CHAF1A: variants seen among roughly 807,000 people sequenced by gnomAD.
CHAF1A encodes the protein CAF-1 subunit A.
CHAF1A carries 5 observed loss-of-function variants against 93.2 expected under a neutral mutation model. The ratio of observed to expected loss-of-function variants is 0.05; its 90% CI spans 0.03 to 0.11. The LOEUF (loss-of-function observed/expected upper bound fraction) is 0.11, where lower values mean the gene tolerates loss of function less well. Ranked by LOEUF, CHAF1A falls within the 10% of genes least tolerant of loss-of-function variation. CHAF1A has a pLI of 1.00. For missense variants in CHAF1A, 1,102 were observed against 1,259.9 expected (o/e 0.87, Z 1.90); for synonymous variants, 504 against 510.3 (o/e 0.99, Z 0.17).
chr19:4,445,860 C>A, downstream of CHAF1A: 1 of 1,069,860 alleles, frequency 9.3e-7, no homozygotes, highest in Non-Finnish European at 1.3e-6. Context: ...GAAACTGAGG[C>A]GTGGAGTAGT....
intron 3 of CHAF1A, among the ~76,000 whole-genome samples, chr19:4,416,764 G>A (rs778590352): frequency 9.2e-5 from 14 of 152,014 alleles, no homozygotes; most frequent in Non-Finnish European, 1.5e-4. Flanking sequence ...GGTGGCACAC[G>A]CCTATAATCC....
downstream of CHAF1A, chr19:4,444,863 C>T (rs530661437): frequency 1.7e-3 from 267 of 152,730 alleles, no homozygotes; most frequent in Non-Finnish European, 2.5e-3. Flanking sequence ...GCTCATCGGG[C>T]ACTTGTGGCC....
chr19:4,404,578 T>A (rs2145056307), intron 1 of CHAF1A, among the ~76,000 whole-genome samples: 1 of 152,310 alleles, frequency 6.6e-6, no homozygotes, highest in Middle Eastern at 3.4e-3. Context: ...CCTTTTCTTA[T>A]TCACTAAGCT....
At chr19:4,423,150 A>ATTTTATTGACTGTTTTCCAT (rs1974020323) in intron 5 of CHAF1A, among the ~76,000 whole-genome samples, 185 bp from the exon 6 acceptor site, 1 of 152,204 alleles carries the variant, frequency 6.6e-6, no homozygotes, top group African/African-American at 2.4e-5. Flanking sequence ...CACAGGAAGA[A>ATTTTATTGACTGTTTTCCAT]TTTTATTGAC....
chr19:4,407,462 GAAAA>G (rs397772805), intron 2 of CHAF1A, among the ~76,000 whole-genome samples: 1 of 64,804 alleles, frequency 1.5e-5, no homozygotes, highest in Non-Finnish European at 2.9e-5. Flanking sequence ...GAGGCCAGGA[GAAAA>G]AAAAAAAACC....
intron 6 of CHAF1A, among the ~76,000 whole-genome samples, 167 bp from the exon 7 acceptor site, chr19:4,423,639 G>A (rs376789284): frequency 4.6e-5 from 7 of 152,246 alleles, no homozygotes; most frequent in African/African-American, 1.7e-4. Flanking sequence ...GACATTTTGA[G>A]ATTGGCTGGC....
chr19:4,448,771 G>C, downstream of CHAF1A: 1 of 266,348 alleles, frequency 3.8e-6, no homozygotes, highest in South Asian at 4.5e-5. Flanking sequence ...GCCACTTACA[G>C]AACCTCCCGC....
intron 3 of CHAF1A, among the ~76,000 whole-genome samples, chr19:4,411,644 C>CTTTTTTTTTTTTTTTTTTTTT (rs66491258): frequency 0.015 from 715 of 48,150 alleles, 209 homozygotes; most frequent in Non-Finnish European, 0.021. Context: ...TGGTGCAAAT[C>CTTTTTTTTTTTTTTTTTTTTT]TTTTTTTTTT....
chr19:4,438,438 A>G (rs1056437988), intron 13 of CHAF1A, among the ~76,000 whole-genome samples: 1 of 151,956 alleles, frequency 6.6e-6, no homozygotes. Flanking sequence ...GGCTCAAGCA[A>G]TCCACCTGCC....
intron 3 of CHAF1A, among the ~76,000 whole-genome samples, chr19:4,413,237 A>G (rs1973840096): frequency 6.6e-6 from 1 of 151,952 alleles, no homozygotes; most frequent in African/African-American, 2.4e-5. Flanking sequence ...AGGCCCAGCT[A>G]ATTTTTGTAT....
chr19:4,445,284 C>T (rs1974481495), downstream of CHAF1A: 3 of 722,346 alleles, frequency 4.2e-6, no homozygotes, highest in African/African-American at 1.8e-5. Context: ...CCAGGCCTCT[C>T]CCTCGGGGGC....
intron 3 of CHAF1A, among the ~76,000 whole-genome samples, chr19:4,411,709 A>G (rs1973807812): frequency 7.8e-6 from 1 of 128,490 alleles, no homozygotes; most frequent in Non-Finnish European, 1.6e-5. Context: ...GGGCAATGGC[A>G]TGGTCTCAGC....
chr19:4,416,617 G>A (rs1555749190), intron 3 of CHAF1A, among the ~76,000 whole-genome samples: 1 of 151,044 alleles, frequency 6.6e-6, no homozygotes, highest in South Asian at 2.1e-4. Flanking sequence ...TTGGCTGGGC[G>A]CGGTGGCTCA....
intron 13 of CHAF1A, among the ~76,000 whole-genome samples, chr19:4,435,168 G>A (rs1974261421): frequency 1.5e-5 from 2 of 129,808 alleles, no homozygotes; most frequent in South Asian, 4.7e-4. Flanking sequence ...TGGGCTCACT[G>A]CAAGCTCCGC....
At position 4,433,048 on chromosome 19, in the gene CHAF1A, C is replaced by A; in HGVS notation, c.2204-22C>A. On this transcript the variant is annotated intron_variant, in intron 12 of 14. Transcript: ENST00000301280. This position sits in a 1 kb window ranked among gnomAD's most constrained non-coding sequence, Gnocchi z 5.6. Reference sequence around the variant, plus strand: ...TGGGTGGCTCCCCAAGCCTCATGCCCACCCATGTTCCCTCCTGCCAGTCCT... The same window carrying A: ...TGGGTGGCTCCCCAAGCCTCATGCCAACCCATGTTCCCTCCTGCCAGTCCT... The A allele has an allele frequency of 1.3e-6, 2 of 1,514,156 alleles. No individual in the cohort carries two copies. Among genetic ancestry groups the A allele is most frequent in the Non-Finnish European group, 1.8e-6 (2 of 1,122,050 alleles). 93.8% of individuals were successfully genotyped at this position (1,514,156 alleles called of 1,614,324 possible). A position where few individuals can be genotyped will look rare whatever the true frequency, so the allele number is the denominator to read the frequency against.
chr19:4,417,840 G>A lies in CHAF1A; in HGVS notation c.961-180G>A, dbSNP rs145866419. On this transcript the variant is annotated intron_variant, in intron 3 of 14. Transcript: ENST00000301280. ...TTCACTCATTTCTTTATCTGCCTCC[G>A]TAGTCTCTCTTGTTATCTAATCCCA... 6.1e-4 allele frequency among the ~76,000 whole-genome samples: 93 copies of A among 152,068 alleles called. No individual in the cohort carries two copies. Among genetic ancestry groups the A allele is most frequent in the African/African-American group, 2.2e-3 (90 of 41,480 alleles).
At chr19:4,431,794 G>A (rs1974187211) in intron 11 of CHAF1A, among the ~76,000 whole-genome samples, 158 bp from the exon 12 acceptor site, 1 of 152,218 alleles carries the variant, frequency 6.6e-6, no homozygotes, top group African/African-American at 2.4e-5. Flanking sequence ...GGCAGCCAGC[G>A]CATGGTGTGC....
intron 13 of CHAF1A, among the ~76,000 whole-genome samples, chr19:4,439,855 C>G (rs879451525): frequency 3.3e-5 from 5 of 152,180 alleles, no homozygotes; most frequent in Non-Finnish European, 4.4e-5. Context: ...GTGCAGTTAC[C>G]TGTGATTGCA....
downstream of CHAF1A, chr19:4,446,752 C>T (rs367564505): frequency 2.6e-5 from 42 of 1,610,710 alleles, no homozygotes; most frequent in African/African-American, 4.8e-4. Context: ...TGTCACTGTG[C>T]AATGGAGAGA....
Sources: gnomAD v4.1 joint callset for allele counts (sites outside exome capture counted in the v4.1 genomes callset) on GRCh38, gnomAD v4.1.1 for gene constraint, Gnocchi (gnomAD v3.1) non-coding constraint, MANE v1.5 for transcripts, NCBI Gene and HGNC (gene_info 2026-07-23, HGNC 2026-07-21) for gene names.